The following ARHGAP44 variants were observed in gnomAD, a reference collection of about 807,000 sequenced individuals.
The protein encoded by ARHGAP44 is Rho GTPase activating protein 44, also known as rho GTPase-activating protein 44.
In ARHGAP44, 43 loss-of-function variants were observed where a neutral mutation model predicts 106.8. The ratio of observed to expected loss-of-function variants is 0.40; its 90% confidence interval spans 0.32 to 0.52. The LOEUF is 0.52. Ranked by LOEUF, ARHGAP44 falls within the 20% of genes least tolerant of loss-of-function variation. The pLI, the probability that ARHGAP44 is intolerant of heterozygous loss-of-function variation, is 0.48. For synonymous variants in ARHGAP44, 439 were observed against 410.3 expected, an observed-to-expected ratio of 1.07 and a Z score of -0.85; for missense variants, 866 against 1,050.5, an observed-to-expected ratio of 0.82 and a Z score of 2.43.
intron 1 of ARHGAP44, among the ~76,000 whole-genome samples, chr17:12,861,664 G>T (rs2036085144): frequency 1.0e-3 from 1 of 992 alleles, no homozygotes; most frequent in Non-Finnish European, 3.8e-3. Context: ...TTTTTGAGAT[G>T]GAATCTTGCT....
chr17:12,954,256 C>G (rs930583842), intron 13 of ARHGAP44, among the ~76,000 whole-genome samples: 1 of 152,128 alleles, frequency 6.6e-6, no homozygotes. Flanking sequence ...ATTCAGGAAA[C>G]GGATGGTGGT....
At chr17:12,849,897 C>T (rs747386447) in intron 1 of ARHGAP44, among the ~76,000 whole-genome samples, 35 of 152,080 alleles carry the variant, frequency 2.3e-4, no homozygotes, top group African/African-American at 5.1e-4. Context: ...TTCGAGTGAG[C>T]GATTCTGTGA....
intron 15 of ARHGAP44, among the ~76,000 whole-genome samples, chr17:12,957,914 C>T (rs1446285289): frequency 6.6e-6 from 1 of 152,186 alleles, no homozygotes; most frequent in African/African-American, 2.4e-5. Context: ...TAATGCTGTT[C>T]TAACATTGAA....
At chr17:12,801,707 G>A (rs1209751558) in intron 1 of ARHGAP44, among the ~76,000 whole-genome samples, 3 of 152,150 alleles carry the variant, frequency 2.0e-5, no homozygotes, top group Non-Finnish European at 4.4e-5. Context: ...AGTGCATACA[G>A]GGTTAAGATT....
chr17:12,840,296 A>C (rs1367860024), intron 1 of ARHGAP44, among the ~76,000 whole-genome samples: 6 of 152,190 alleles, frequency 3.9e-5, no homozygotes, highest in Non-Finnish European at 5.9e-5. Flanking sequence ...ATTGAGGTCA[A>C]AACATCCTTA....
At chr17:12,981,983 C>T (rs1247626284) in intron 19 of ARHGAP44, among the ~76,000 whole-genome samples, 2 of 152,048 alleles carry the variant, frequency 1.3e-5, no homozygotes, top group Non-Finnish European at 2.9e-5. Flanking sequence ...TGCCTTCCAG[C>T]TTGGGCAGCA....
intron 1 of ARHGAP44, among the ~76,000 whole-genome samples, chr17:12,865,119 T>C (rs1212348300): frequency 6.6e-6 from 1 of 152,214 alleles, no homozygotes; most frequent in Non-Finnish European, 1.5e-5. Context: ...ACTACATGTA[T>C]AGACATTTCC....
At chr17:12,956,059 GC>G in intron 14 of ARHGAP44, 79 bp downstream of exon 14, 5 of 959,090 alleles carry the variant, frequency 5.2e-6, no homozygotes, top group Non-Finnish European at 8.2e-6. Context: ...GACAGCTGGG[GC>G]CTAGCTGAGC....
rs2039184945 is a variant in ARHGAP44 at position 12,958,635 on chromosome 17, G to A, written c.1343-82G>A. On this transcript the variant is annotated intron_variant, in intron 15 of 20. Coordinates refer to ENST00000379672, the MANE Select transcript of ARHGAP44 (RefSeq NM_014859.6). The surrounding 1 kb of genome is among the most constrained non-coding windows in gnomAD (Gnocchi z 4.1). ...CTAGGGATGACATACGAGGGAGTGG[G>A]TGTCTGGACTCATTCCTCCCCTGCC... The A allele has an allele frequency of 1.5e-6, 2 of 1,330,124 alleles. No individual in the cohort carries two copies. The highest frequency in any genetic ancestry group is 2.1e-6 in the Non-Finnish European group (2 of 947,520). 82.4% of individuals were successfully genotyped at this position (1,330,124 alleles called of 1,614,324 possible).
chr17:12,917,329 G>C (rs7210937), intron 5 of ARHGAP44: 34,483 of 153,760 alleles, frequency 0.22, 6,805 homozygotes, highest in African/African-American at 0.52. Flanking sequence ...GCATGGCTCA[G>C]TCCAGAAACC....
Position 12,876,931 on chromosome 17 carries a change from A to T in ARHGAP44, c.54-18009A>T, listed in dbSNP as rs1009317492. On this transcript the variant is annotated intron_variant, in intron 1 of 20. Transcript: ENST00000379672. ...TCTCAAAAAAAAAAAAAAAAAAAGA[A>T]GAAAAGATATTTTGATAGTCCAGGG... Among the ~76,000 whole-genome samples, 11 of 150,994 alleles carry T rather than the reference A, an allele frequency of 7.3e-5. 1 individual carries two copies. In the South Asian group the frequency reaches 2.3e-3, roughly 32 times the overall value.
At position 12,909,498 on chromosome 17, in the gene ARHGAP44, T is replaced by A. The variant is rs1285896899; in HGVS notation, c.275+525T>A. Among the ~76,000 whole-genome samples, 3 of 152,048 alleles carry A rather than the reference T, an allele frequency of 2.0e-5. No individual in the cohort carries two copies. The East Asian group carries it at 5.8e-4, about 29-fold the overall frequency. The stretch of plus-strand genomic sequence containing the variant: ...AGAATCAAACAATATTAAAAAAGAA[T>A]AGGCGGGATTGAAGGCAAACCAAAG... On this transcript the variant is annotated intron_variant, in intron 4 of 20. Transcript: ENST00000379672.
At chr17:12,881,574 CTTCAGTAAGT>C (rs1350004179) in intron 1 of ARHGAP44, among the ~76,000 whole-genome samples, 1 of 152,140 alleles carries the variant, frequency 6.6e-6, no homozygotes, top group Non-Finnish European at 1.5e-5. Context: ...ATTACTGTGA[CTTCAGTAAGT>C]TTCAGTATGT....
chr17:12,949,126 T>A lies in ARHGAP44; in HGVS notation c.862-14T>A, dbSNP rs1444326747. 6.4e-7 allele frequency: 1 copy of A among 1,558,432 alleles called. No homozygotes were observed. The highest frequency in any genetic ancestry group is 1.2e-5 in the South Asian group (1 of 84,380). ...TTGGAGTTGCTGTGCGCTGACCCTCTGTCCTGTTGGTAGGGACTCTTCCGA... is the reference window on the plus strand; with the variant it reads ...TTGGAGTTGCTGTGCGCTGACCCTCAGTCCTGTTGGTAGGGACTCTTCCGA... On this transcript the variant is annotated splice_polypyrimidine_tract_variant and intron_variant, in intron 10 of 20. Coordinates refer to ENST00000379672, the MANE Select transcript of ARHGAP44 (RefSeq NM_014859.6). This position sits in a 1 kb window ranked among gnomAD's most constrained non-coding sequence, Gnocchi z 4.1.
intron 1 of ARHGAP44, among the ~76,000 whole-genome samples, chr17:12,893,703 A>C (rs1345901480): frequency 1.3e-5 from 2 of 152,146 alleles, no homozygotes; most frequent in South Asian, 2.1e-4. Context: ...AGTAGGACAC[A>C]GTTCTTTTCT....
chr17:12,903,414 T>C (rs890941467), intron 3 of ARHGAP44, among the ~76,000 whole-genome samples: 1 of 152,134 alleles, frequency 6.6e-6, no homozygotes, highest in African/African-American at 2.4e-5. Flanking sequence ...TCTTTGGCTC[T>C]GAAAATCACT....
intron 1 of ARHGAP44, among the ~76,000 whole-genome samples, chr17:12,797,554 G>A (rs188800794): frequency 6.6e-6 from 1 of 152,238 alleles, no homozygotes; most frequent in East Asian, 1.9e-4. Context: ...ATGAGACCCC[G>A]TCCATTGGGT....
intron 1 of ARHGAP44, among the ~76,000 whole-genome samples, chr17:12,837,813 T>C (rs1162272070): frequency 6.6e-6 from 1 of 151,854 alleles, no homozygotes; most frequent in Non-Finnish European, 1.5e-5. Flanking sequence ...TGGGTAGGGG[T>C]GGGAAATGGT....
chr17:12,906,021 C>G (rs1239437858), intron 3 of ARHGAP44, among the ~76,000 whole-genome samples: 4 of 152,160 alleles, frequency 2.6e-5, no homozygotes, highest in Non-Finnish European at 4.4e-5. Flanking sequence ...TGTTTAGCAA[C>G]ATCCCTGGCC....
Sources: allele counts gnomAD v4.1 joint callset (sites outside exome capture counted in the v4.1 genomes callset), GRCh38; gene constraint gnomAD v4.1.1; non-coding constraint Gnocchi (gnomAD v3.1); transcripts MANE v1.5; gene names NCBI Gene and HGNC (gene_info 2026-07-23, HGNC 2026-07-21).